Variants in ADAM32 observed in about 807,000 individuals in gnomAD.
ADAM32 encodes the protein disintegrin and metalloproteinase domain-containing protein 32.
In ADAM32, 89 loss-of-function variants were observed where a neutral mutation model predicts 114.9. That is an observed-to-expected ratio of 0.77 (90% CI 0.65 to 0.92). ADAM32 has a LOEUF of 0.92. ADAM32 is among the 40% of genes least tolerant of loss of function. ADAM32 has a pLI of 0.00. For synonymous variants in ADAM32, 285 were observed against 307.5 expected (o/e 0.93, Z 0.77); for missense variants, 870 against 932.8 (o/e 0.93, Z 0.88).
intron 10 of ADAM32, among the ~76,000 whole-genome samples, chr8:39,177,027 T>G (rs1236424949): frequency 6.6e-6 from 1 of 152,070 alleles, no homozygotes; most frequent in Middle Eastern, 3.2e-3. Context: ...TTTTCTGTTT[T>G]TCATTTGCTT....
At chr8:39,221,452 A>G (rs1193401055) in intron 12 of ADAM32, 158 bp from the exon 13 acceptor site, 2 of 595,122 alleles carry the variant, frequency 3.4e-6, no homozygotes, top group Non-Finnish European at 5.9e-6. Flanking sequence ...GTCCTACATT[A>G]GTGTTTTAAA....
intron 14 of ADAM32, among the ~76,000 whole-genome samples, chr8:39,225,116 C>G (rs1283329221): frequency 6.6e-6 from 1 of 152,180 alleles, no homozygotes; most frequent in Non-Finnish European, 1.5e-5. Context: ...GAATCAGCTA[C>G]TATTTTATAG....
intron 2 of ADAM32, chr8:39,131,986 C>T (rs535909878): frequency 2.7e-4 from 88 of 322,310 alleles, no homozygotes; most frequent in South Asian, 1.8e-3. Flanking sequence ...CTCCGTCTCC[C>T]GGGTTCAAAC....
chr8:39,138,991 C>CAT (rs1802980289), intron 3 of ADAM32, among the ~76,000 whole-genome samples: 1 of 152,182 alleles, frequency 6.6e-6, no homozygotes, highest in African/African-American at 2.4e-5. Flanking sequence ...ATTGTCTGTT[C>CAT]ATATCCTTTG....
intron 23 of ADAM32, 63 bp from the exon 24 acceptor site, chr8:39,283,523 A>G (rs1813574354): frequency 3.0e-6 from 4 of 1,329,916 alleles, no homozygotes; most frequent in Non-Finnish European, 4.1e-6. Flanking sequence ...ACAAATAAAT[A>G]CAACATAAGT....
intron 17 of ADAM32, among the ~76,000 whole-genome samples, chr8:39,252,122 T>C (rs1489556992): frequency 6.6e-6 from 1 of 151,858 alleles, no homozygotes; most frequent in East Asian, 1.9e-4. Context: ...ACTATAGCTC[T>C]GTAGTATAAC....
intron 18 of ADAM32, among the ~76,000 whole-genome samples, chr8:39,254,792 G>A (rs1422672408): frequency 6.6e-6 from 1 of 151,722 alleles, no homozygotes; most frequent in Non-Finnish European, 1.5e-5. Flanking sequence ...GGTGATTTCT[G>A]AGATTTTGGT....
intron 3 of ADAM32, among the ~76,000 whole-genome samples, chr8:39,145,411 A>T (rs1011711488): frequency 6.6e-6 from 1 of 152,218 alleles, no homozygotes; most frequent in Non-Finnish European, 1.5e-5. Flanking sequence ...CTATAATACT[A>T]AAAGCAACCT....
At chr8:39,283,339 A>G (rs1034247352) in intron 23 of ADAM32, among the ~76,000 whole-genome samples, 1 of 143,002 alleles carries the variant, frequency 7.0e-6, no homozygotes, top group African/African-American at 2.6e-5. Flanking sequence ...AGCCCCCAGG[A>G]GGTTGAGGCT....
chr8:39,114,156 A>G (rs1840280280), intron 1 of ADAM32, among the ~76,000 whole-genome samples: 1 of 152,206 alleles, frequency 6.6e-6, no homozygotes, highest in South Asian at 2.1e-4. Flanking sequence ...ATTCTGATCA[A>G]TGGACCATGC....
intron 2 of ADAM32, among the ~76,000 whole-genome samples, chr8:39,120,428 C>G (rs1255068184): frequency 6.6e-6 from 1 of 152,050 alleles, no homozygotes; most frequent in Non-Finnish European, 1.5e-5. Context: ...ATATACATAT[C>G]ATTATGAACA....
chr8:39,238,232 A>G (rs1810316772), intron 16 of ADAM32, among the ~76,000 whole-genome samples: 1 of 152,210 alleles, frequency 6.6e-6, no homozygotes, highest in Non-Finnish European at 1.5e-5. Context: ...TGAGAGACCT[A>G]AAGATGGACC....
intron 10 of ADAM32, among the ~76,000 whole-genome samples, chr8:39,181,691 C>G (rs1585476931): frequency 6.6e-6 from 1 of 152,220 alleles, no homozygotes; most frequent in Admixed American, 6.5e-5. Flanking sequence ...GGAATTTGAA[C>G]TGATGAGTGA....
In ADAM32 at chr8:39,246,126, C is replaced by T. The variant is rs142346085; in HGVS notation, c.1862C>T (p.Ala621Val). The T allele has an allele frequency of 2.9e-5, 46 of 1,613,456 alleles. No homozygotes were observed. The Middle Eastern group carries it at 8.3e-4, about 29-fold the overall frequency. The change falls in exon 17 of 25, where the codon GCT becomes GTT. Residue 621 changes from alanine (A) to valine (V), a missense_variant. Ala to Val is a moderately conservative substitution (Grantham distance 64, BLOSUM62 0). Transcript: ENST00000379907. Reference protein sequence around the residue: ...RECVESRIIKASAHVCSQQCS... With the variant: ...RECVESRIIKVSAHVCSQQCS... ...TGTGTAGAATCAAGGATAATTAAGG[C>T]TTCAGCACATGTTTGTTCACAACAG...
At chr8:39,143,396 G>A (rs915065610) in intron 3 of ADAM32, among the ~76,000 whole-genome samples, 1 of 152,164 alleles carries the variant, frequency 6.6e-6, no homozygotes, top group African/African-American at 2.4e-5. Context: ...GGGTTTTGGT[G>A]TGGATGTCCT....
At chr8:39,145,519 T>C (rs1803454109) in intron 3 of ADAM32, among the ~76,000 whole-genome samples, 1 of 152,004 alleles carries the variant, frequency 6.6e-6, no homozygotes, top group Non-Finnish European at 1.5e-5. Flanking sequence ...CAGCCTAGAA[T>C]TGAATGCCAT....
chr8:39,221,811 A>T, intron 13 of ADAM32, 109 bp downstream of exon 13: 1 of 663,728 alleles, frequency 1.5e-6, no homozygotes, highest in South Asian at 3.5e-5. Context: ...TACTTTTCAG[A>T]TAAAGAGAAA....
intron 16 of ADAM32, among the ~76,000 whole-genome samples, chr8:39,244,700 T>A (rs964631370): frequency 2.0e-5 from 3 of 152,004 alleles, no homozygotes; most frequent in African/African-American, 7.3e-5. Context: ...GGGCCTGTTG[T>A]GGGGTGTGGG....
intron 2 of ADAM32, among the ~76,000 whole-genome samples, chr8:39,125,126 T>C (rs1357351705): frequency 6.6e-6 from 1 of 152,240 alleles, no homozygotes; most frequent in Non-Finnish European, 1.5e-5. Flanking sequence ...CATATGTTTG[T>C]TGGCCACATG....
Sources: gnomAD v4.1 joint callset for allele counts (sites outside exome capture counted in the v4.1 genomes callset) on GRCh38, gnomAD v4.1.1 for gene constraint, MANE v1.5 for transcripts, NCBI Gene and HGNC (gene_info 2026-07-23, HGNC 2026-07-21) for gene names.